The following MDGA2 variants were observed in gnomAD, a reference collection of about 807,000 sequenced individuals.
MDGA2 encodes MAM domain-containing glycosylphosphatidylinositol anchor protein 2.
A neutral mutation model predicts 117.8 loss-of-function variants in MDGA2; 40 were observed. The observed-to-expected ratio is 0.34, with a 90% confidence interval of 0.26 to 0.44. The LOEUF is 0.44. Ranked by LOEUF, MDGA2 falls within the 20% of genes least tolerant of loss-of-function variation. MDGA2 has a pLI of 1.00. For synonymous variants in MDGA2, 452 were observed against 439.0 expected (o/e 1.03, Z -0.37); for missense variants, 1,123 against 1,250.6 (o/e 0.90, Z 1.54).
intron 1 of MDGA2, among the ~76,000 whole-genome samples, chr14:47,350,264 C>T (rs1890849876): frequency 2.0e-5 from 3 of 152,092 alleles, no homozygotes; most frequent in Non-Finnish European, 4.4e-5. Flanking sequence ...CATTTCCTGG[C>T]CCAGTGGAAA....
rs183640207 is a variant in MDGA2 at position 46,973,416 on chromosome 14, A to G, written c.1820-15773T>C. 2.3e-3 allele frequency among the ~76,000 whole-genome samples: 344 copies of G among 152,216 alleles called. 1 individual carries two copies. The highest frequency in any genetic ancestry group is 3.2e-3 in the Admixed American group (49 of 15,252). On this transcript the variant is annotated intron_variant, in intron 8 of 16. Transcript: ENST00000399232. ...ATTTTAATACAAACAACATAATCCT[A>G]TTGTGCAGCTTATACATAAAGCTTG...
At chr14:47,333,517 T>C (rs1391426242) in intron 1 of MDGA2, among the ~76,000 whole-genome samples, 1 of 151,916 alleles carries the variant, frequency 6.6e-6, no homozygotes, top group African/African-American at 2.4e-5. Context: ...TATGAAGTCT[T>C]GATCACTATA....
intron 7 of MDGA2, among the ~76,000 whole-genome samples, chr14:47,043,971 T>A (rs551670307): frequency 6.6e-6 from 1 of 152,256 alleles, no homozygotes; most frequent in East Asian, 1.9e-4. Context: ...GTACATGTCA[T>A]GACGAAATGT....
At chr14:47,333,525 A>G (rs1046580869) in intron 1 of MDGA2, among the ~76,000 whole-genome samples, 1 of 151,896 alleles carries the variant, frequency 6.6e-6, no homozygotes, top group East Asian at 1.9e-4. Context: ...CTTGATCACT[A>G]TAATCCAAAT....
chr14:47,673,312 G>A (rs961009615), intron 1 of MDGA2, among the ~76,000 whole-genome samples: 1 of 152,210 alleles, frequency 6.6e-6, no homozygotes, highest in African/African-American at 2.4e-5. Context: ...AGGGTCTGCA[G>A]GGAAAGCTCT....
At chr14:46,922,349 G>C (rs1321658702) in intron 9 of MDGA2, among the ~76,000 whole-genome samples, 1 of 152,120 alleles carries the variant, frequency 6.6e-6, no homozygotes, top group East Asian at 1.9e-4. Flanking sequence ...ACTGAGATGG[G>C]TAGCTGCCCA....
At chr14:47,538,917 C>T (rs1302781162) in intron 1 of MDGA2, among the ~76,000 whole-genome samples, 2 of 152,042 alleles carry the variant, frequency 1.3e-5, no homozygotes, top group Non-Finnish European at 2.9e-5. Context: ...AACGGAGTAC[C>T]TAAGAAGGAA....
intron 1 of MDGA2, among the ~76,000 whole-genome samples, chr14:47,575,007 G>A (rs1896090440): frequency 6.6e-6 from 1 of 152,124 alleles, no homozygotes; most frequent in African/African-American, 2.4e-5. Context: ...GTGTACATAG[G>A]TCTGTGTGTA....
chr14:47,608,168 T>C (rs553341731), intron 1 of MDGA2, among the ~76,000 whole-genome samples: 2 of 152,248 alleles, frequency 1.3e-5, no homozygotes, highest in African/African-American at 4.8e-5. Flanking sequence ...GGGAAAGATA[T>C]CACTGAATGA....
chr14:47,651,114 A>T (rs572742667), intron 1 of MDGA2, among the ~76,000 whole-genome samples: 2 of 152,060 alleles, frequency 1.3e-5, no homozygotes, highest in African/African-American at 4.8e-5. Flanking sequence ...TAACTAGCCT[A>T]TGGTAAAGTC....
intron 1 of MDGA2, among the ~76,000 whole-genome samples, chr14:47,658,120 CTGTT>C (rs1897779479): frequency 1.3e-5 from 2 of 152,038 alleles, no homozygotes; most frequent in South Asian, 2.1e-4. Context: ...CAGTTGTCAC[CTGTT>C]TATTTGGGCT....
chr14:47,048,748 C>T (rs1173738165), intron 7 of MDGA2, among the ~76,000 whole-genome samples: 2 of 151,962 alleles, frequency 1.3e-5, no homozygotes, highest in Non-Finnish European at 2.9e-5. Flanking sequence ...TTCTTTAGAG[C>T]AAATGAGGTT....
intron 7 of MDGA2, among the ~76,000 whole-genome samples, chr14:47,060,429 C>G (rs1241103681): frequency 4.6e-5 from 7 of 152,080 alleles, no homozygotes; most frequent in Non-Finnish European, 1.5e-5. Context: ...GTTTTCAACA[C>G]ATATTATTTA....
chr14:46,939,283 GA>G (rs1034229386), intron 9 of MDGA2, among the ~76,000 whole-genome samples: 4 of 152,088 alleles, frequency 2.6e-5, no homozygotes, highest in Non-Finnish European at 4.4e-5. Flanking sequence ...CCAACACAAT[GA>G]AATAATAAAT....
intron 6 of MDGA2, among the ~76,000 whole-genome samples, chr14:47,092,427 A>C (rs939185087): frequency 5.3e-5 from 8 of 152,172 alleles, no homozygotes; most frequent in Non-Finnish European, 1.5e-5. Context: ...AAGTGGAAGA[A>C]ATCTCAAGCC....
chr14:46,918,760 C>CTTTTTTTTTTTTTTTTTTTTTTTTTTT (rs34958634), intron 10 of MDGA2, among the ~76,000 whole-genome samples: 1 of 124,768 alleles, frequency 8.0e-6, no homozygotes, highest in Non-Finnish European at 1.6e-5. Flanking sequence ...TACAGTGTAT[C>CTTTTTTTTTTTTTTTTTTTTTTTTTTT]TTTTTTTTTT....
In MDGA2 at chr14:47,630,594, G is replaced by A. The variant is rs143112940; in HGVS notation, c.280+43923C>T. On this transcript the variant is annotated intron_variant, in intron 1 of 16. Transcript: ENST00000399232. ...TGGAAAGAATCCTATACTTTCAGTT[G>A]TCTAAATATTAAAAACAATGGCGAT... Among the ~76,000 whole-genome samples the A allele has an allele frequency of 1.0e-3, 152 of 152,240 alleles. 1 individual carries two copies. Among genetic ancestry groups the A allele is most frequent in the African/African-American group, 3.4e-3 (143 of 41,534 alleles).
At chr14:47,034,582 G>A (rs550977560) in intron 8 of MDGA2, among the ~76,000 whole-genome samples, 11 of 152,124 alleles carry the variant, frequency 7.2e-5, no homozygotes, top group African/African-American at 2.7e-4. Context: ...TTGGGAAAAG[G>A]ACATGCAATT....
At chr14:47,627,962 C>T (rs1451752721) in intron 1 of MDGA2, among the ~76,000 whole-genome samples, 3 of 152,174 alleles carry the variant, frequency 2.0e-5, no homozygotes, top group Admixed American at 2.0e-4. Context: ...AGAACTGTAA[C>T]ACTCACCGTG....
Sources: gnomAD v4.1 joint callset for allele counts (sites outside exome capture counted in the v4.1 genomes callset) on GRCh38, gnomAD v4.1.1 for gene constraint, MANE v1.5 for transcripts, NCBI Gene and HGNC (gene_info 2026-07-23, HGNC 2026-07-21) for gene names.